CNTNAP5: variants seen among roughly 807,000 people sequenced by gnomAD.
CNTNAP5 encodes contactin associated protein family member 5.
CNTNAP5 carries 72 observed loss-of-function variants against 150.2 expected under a neutral mutation model. That is an observed-to-expected ratio of 0.48 (90% CI 0.40 to 0.58). The LOEUF (loss-of-function observed/expected upper bound fraction) is 0.58. Among genes scored for constraint, CNTNAP5 ranks in the 20% least tolerant of loss-of-function variants. The pLI is 0.00. For synonymous variants in CNTNAP5, 672 were observed against 619.8 expected, an observed-to-expected ratio of 1.08 and a Z score of -1.25; for missense variants, 1,636 against 1,626.2, an observed-to-expected ratio of 1.01 and a Z score of -0.10.
Position 124,914,077 on chromosome 2 carries a change from C to T in CNTNAP5, c.3728-15C>T. The T allele has an allele frequency of 1.3e-6, 2 of 1,595,286 alleles. No individual in the cohort carries two copies. Among genetic ancestry groups the T allele is most frequent in the Non-Finnish European group, 8.6e-7 (1 of 1,165,362 alleles). On this transcript the variant is annotated splice_polypyrimidine_tract_variant and intron_variant, in intron 23 of 23. Coordinates refer to ENST00000682447, the MANE Select transcript of CNTNAP5 (RefSeq NM_001367498.1). ...TGACGATTTCCTTCTCTCTTTCCTT[C>T]CCCTTTCTCTCCAGGGGTGATAGCA...
chr2:124,222,128 T>C lies in CNTNAP5; in HGVS notation c.187+319T>C, dbSNP rs1686337581. ...AGCTAACATAAATAGATATAAAACA[T>C]GTTTTATAATAAAATATTTATAATG... On this transcript the variant is annotated intron_variant, in intron 2 of 23. Transcript: ENST00000682447. Among the ~76,000 whole-genome samples the C allele has an allele frequency of 1.3e-5, 2 of 152,258 alleles. 1 individual carries two copies. The highest frequency in any genetic ancestry group is 4.1e-4 in the South Asian group (2 of 4,830).
intron 10 of CNTNAP5, among the ~76,000 whole-genome samples, chr2:124,528,220 AT>A (rs1695021750): frequency 1.3e-5 from 2 of 152,212 alleles, no homozygotes; most frequent in Non-Finnish European, 2.9e-5. Flanking sequence ...TGTGTTGATG[AT>A]AAAGGGTCTC....
chr2:124,511,370 A>T lies in CNTNAP5; in HGVS notation c.1327+6814A>T, dbSNP rs550116042. Among the ~76,000 whole-genome samples the T allele has an allele frequency of 2.2e-4, 34 of 152,350 alleles. 2 individuals carry two copies. The highest frequency in any genetic ancestry group is 7.7e-4 in the African/African-American group (32 of 41,590). ...GCAAGGAGAATCAAAAGAAACAGGCATGGAGTTTTAGCTTAAGTTTTTGTT... is the reference window on the plus strand; with the variant it reads ...GCAAGGAGAATCAAAAGAAACAGGCTTGGAGTTTTAGCTTAAGTTTTTGTT... On this transcript the variant is annotated intron_variant, in intron 8 of 23. Transcript: ENST00000682447.
At chr2:124,597,057 G>A (rs1311689067) in intron 11 of CNTNAP5, among the ~76,000 whole-genome samples, 4 of 148,894 alleles carry the variant, frequency 2.7e-5, no homozygotes, top group South Asian at 4.5e-4. Flanking sequence ...TGGGTTTCCT[G>A]AATACAGCAC....
chr2:124,145,901 G>A (rs920145040), intron 1 of CNTNAP5, among the ~76,000 whole-genome samples: 1 of 149,086 alleles, frequency 6.7e-6, no homozygotes, highest in Non-Finnish European at 1.5e-5. Flanking sequence ...GGATTGAAAT[G>A]TGATACATGT....
chr2:124,034,378 GC>G (rs1279064231), intron 1 of CNTNAP5, among the ~76,000 whole-genome samples: 3 of 152,226 alleles, frequency 2.0e-5, no homozygotes, highest in African/African-American at 7.2e-5. Flanking sequence ...ACAAAGTCTG[GC>G]CCACTTCCCC....
intron 1 of CNTNAP5, among the ~76,000 whole-genome samples, chr2:124,147,210 C>T (rs1399176474): frequency 6.6e-6 from 1 of 152,054 alleles, no homozygotes; most frequent in East Asian, 1.9e-4. Flanking sequence ...AGAGCCTCAG[C>T]CAGAACATAA....
chr2:124,723,443 C>T (rs1680090287), intron 13 of CNTNAP5, among the ~76,000 whole-genome samples: 1 of 152,164 alleles, frequency 6.6e-6, no homozygotes, highest in Non-Finnish European at 1.5e-5. Context: ...TAAGATCTTT[C>T]TAACATGTAT....
intron 19 of CNTNAP5, among the ~76,000 whole-genome samples, chr2:124,849,682 A>G (rs928235267): frequency 6.6e-6 from 1 of 152,134 alleles, no homozygotes; most frequent in African/African-American, 2.4e-5. Flanking sequence ...GCTATCTATT[A>G]ATTTATTTGT....
At chr2:124,461,745 T>TACTC (rs1235384994) in intron 6 of CNTNAP5, among the ~76,000 whole-genome samples, 1 of 151,436 alleles carries the variant, frequency 6.6e-6, no homozygotes, top group Non-Finnish European at 1.5e-5. Flanking sequence ...TAATCCCAAC[T>TACTC]ACTCGGGAGG....
chr2:124,326,176 A>C (rs1689211534), intron 3 of CNTNAP5, among the ~76,000 whole-genome samples: 1 of 152,202 alleles, frequency 6.6e-6, no homozygotes, highest in Admixed American at 6.5e-5. Context: ...TTCTTTGTGG[A>C]AGGCTCATCA....
At chr2:124,362,344 A>G (rs1361992879) in intron 3 of CNTNAP5, among the ~76,000 whole-genome samples, 1 of 152,160 alleles carries the variant, frequency 6.6e-6, no homozygotes, top group Non-Finnish European at 1.5e-5. Flanking sequence ...CAGAATCTCA[A>G]CATCTTAAAT....
chr2:124,340,695 G>A (rs1254056989), intron 3 of CNTNAP5, among the ~76,000 whole-genome samples: 1 of 151,380 alleles, frequency 6.6e-6, no homozygotes, highest in African/African-American at 2.4e-5. Context: ...GAGATGGGAC[G>A]ACCCCTTGAG....
intron 6 of CNTNAP5, among the ~76,000 whole-genome samples, chr2:124,464,890 A>G (rs1415645355): frequency 2.6e-5 from 4 of 152,208 alleles, no homozygotes; most frequent in Admixed American, 1.3e-4. Context: ...ATGAAAAAGA[A>G]GACAGCAGTT....
chr2:124,559,505 C>G (rs1363916456), intron 10 of CNTNAP5, among the ~76,000 whole-genome samples: 1 of 152,188 alleles, frequency 6.6e-6, no homozygotes, highest in Non-Finnish European at 1.5e-5. Flanking sequence ...TCACATCCAT[C>G]CAGATGCAGT....
At chr2:124,721,514 T>TAAATAAATA (rs778612928) in intron 13 of CNTNAP5, among the ~76,000 whole-genome samples, 35 of 148,744 alleles carry the variant, frequency 2.4e-4, no homozygotes, top group African/African-American at 8.6e-4. Context: ...AATAAATACA[T>TAAATAAATA]AAATAAATAT....
chr2:124,076,479 G>C (rs983785830), intron 1 of CNTNAP5, among the ~76,000 whole-genome samples: 1 of 152,054 alleles, frequency 6.6e-6, no homozygotes, highest in Non-Finnish European at 1.5e-5. Context: ...TCAACTCCCT[G>C]ATTATGGCAA....
At chr2:124,649,003 C>T (rs187643429) in intron 13 of CNTNAP5, among the ~76,000 whole-genome samples, 8 of 152,146 alleles carry the variant, frequency 5.3e-5, no homozygotes, top group Non-Finnish European at 8.8e-5. Context: ...TCAGGGAAGA[C>T]GTTGTTCCAC....
rs1210898828 is a variant in CNTNAP5, at chr2:124,558,124, G to C, written c.1650-5093G>C. On this transcript the variant is annotated intron_variant, in intron 10 of 23. Coordinates refer to ENST00000682447, the MANE Select transcript of CNTNAP5 (RefSeq NM_001367498.1). ...CTTGCTCTTGTGTTGGGAATTAACT[G>C]AAGGGGTCAAGGATGGAAGCTGGGA... 2.6e-5 allele frequency among the ~76,000 whole-genome samples: 4 copies of C among 152,284 alleles called. No homozygotes were observed. The East Asian group carries it at 7.7e-4, about 29-fold the overall frequency.
Sources: gnomAD v4.1 joint callset for allele counts (sites outside exome capture counted in the v4.1 genomes callset) on GRCh38, gnomAD v4.1.1 for gene constraint, MANE v1.5 for transcripts, NCBI Gene and HGNC (gene_info 2026-07-23, HGNC 2026-07-21) for gene names.